RFX7: variants seen among roughly 807,000 people sequenced by gnomAD.
RFX7 encodes DNA-binding protein RFX7.
RFX7 carries 26 observed loss-of-function variants against 111.8 expected under a neutral mutation model. That is an observed-to-expected ratio of 0.23 (90% confidence interval 0.17 to 0.32). The LOEUF (loss-of-function observed/expected upper bound fraction) is 0.32. Among genes scored for constraint, RFX7 ranks in the 10% least tolerant of loss-of-function variants. The probability of loss-of-function intolerance (pLI) is 1.00; values close to 1 mark genes in which losing one functional copy is unlikely to be tolerated. For synonymous variants in RFX7, 624 were observed against 624.4 expected (o/e 1.00, Z 0.01); for missense variants, 1,573 against 1,772.9 (o/e 0.89, Z 2.02).
chr15:56,217,121 T>C (rs2141206964), intron 2 of RFX7, among the ~76,000 whole-genome samples: 1 of 152,322 alleles, frequency 6.6e-6, no homozygotes, highest in Non-Finnish European at 1.5e-5. Flanking sequence ...ATTTTCTTTC[T>C]ATATAGACAC....
intron 2 of RFX7, among the ~76,000 whole-genome samples, chr15:56,214,669 C>T (rs79679041): frequency 0.13 from 19,387 of 149,470 alleles, 1,618 homozygotes; most frequent in East Asian, 0.44. Flanking sequence ...GAGCTGAGAT[C>T]GCACCACTGC....
intron 5 of RFX7, among the ~76,000 whole-genome samples, chr15:56,121,316 T>C (rs553230096): frequency 4.6e-5 from 7 of 152,346 alleles, no homozygotes; most frequent in Admixed American, 2.6e-4. Flanking sequence ...CACTCTCTCC[T>C]GGCTTGCAAG....
At chr15:56,140,322 G>C (rs147544702) in intron 5 of RFX7, among the ~76,000 whole-genome samples, 24 of 152,106 alleles carry the variant, frequency 1.6e-4, no homozygotes, top group Non-Finnish European at 3.2e-4. Flanking sequence ...CTCGTGGTGC[G>C]CCGCTTTTTA....
intron 5 of RFX7, among the ~76,000 whole-genome samples, chr15:56,112,122 A>G (rs1470507572): frequency 6.6e-6 from 1 of 151,526 alleles, no homozygotes; most frequent in East Asian, 1.9e-4. Context: ...CCCAGAAAAA[A>G]AAAAAAAAAA....
rs556243417 is a variant in RFX7, at chr15:56,087,694, C to T, written c.*5651G>A. ...AGAATGCATACTACTGGTAAGTATCCGCCTCTGCTATAGTGACCTCATTGC... is the reference window on the plus strand; with the variant it reads ...AGAATGCATACTACTGGTAAGTATCTGCCTCTGCTATAGTGACCTCATTGC... On this transcript the variant is annotated 3_prime_UTR_variant, in exon 10 of 10. Transcript: ENST00000559447. The T allele has an allele frequency of 1.6e-4, 62 of 387,060 alleles. 2 individuals are homozygous for T. The highest frequency in any genetic ancestry group is 1.3e-3 in the Admixed American group (45 of 33,390). 24.0% of individuals were successfully genotyped at this position (387,060 alleles called of 1,614,324 possible). A position where few individuals can be genotyped will look rare whatever the true frequency, so the allele number is the denominator to read the frequency against.
chr15:56,243,012 T>G, intron 2 of RFX7, 113 bp downstream of exon 2: 1 of 757,244 alleles, frequency 1.3e-6, no homozygotes, highest in South Asian at 1.6e-5. Flanking sequence ...GAAAGCCACA[T>G]TCAATGAATG....
At position 56,101,505 on chromosome 15, in the gene RFX7, G is replaced by A; in HGVS notation, c.665C>T (p.Ala222Val). 6.2e-7 allele frequency: 1 copy of A among 1,613,736 alleles called. No homozygotes were observed. The highest frequency in any genetic ancestry group is 8.5e-7 in the Non-Finnish European group (1 of 1,179,794). ...QNIDEEVISS[A>V]CRLVCEWAQK... ...GGCCCACTCACACACAAGACGGCAA[G>A]CAGAAGAGATAACTTCTTCATCAAT... The change falls in exon 8 of 10, where the codon GCT becomes GTT. Residue 222 changes from alanine to valine, a missense_variant. Ala to Val is a moderately conservative substitution (Grantham distance 64). Around this residue, in one of 7 missense-constraint regions of RFX7, gnomAD observed 288 missense variants for 337.9 expected, o/e 0.85. Coordinates refer to ENST00000559447, the MANE Select transcript of RFX7 (RefSeq NM_022841.7).
chr15:56,094,137 T>A lies in RFX7; in HGVS notation c.3591A>T (p.Gly1197=). The change falls in exon 10 of 10, where the codon GGA becomes GGT. Residue 1197 remains glycine (G), a synonymous_variant. Transcript: ENST00000559447. ...NIPRSNVTPF[G]SPVTPEVHVF... ...CATGAACTTCTGGGGTAACTGGACT[T>A]CCAAAGGGGGTCACATTAGATCGTG... 6.2e-7 allele frequency: 1 copy of A among 1,613,978 alleles called. No homozygotes were observed. The highest frequency in any genetic ancestry group is 8.5e-7 in the Non-Finnish European group (1 of 1,179,876).
intron 5 of RFX7, among the ~76,000 whole-genome samples, chr15:56,118,106 G>C (rs111579337): frequency 0.026 from 3,927 of 152,040 alleles, 73 homozygotes; most frequent in Non-Finnish European, 0.04. Flanking sequence ...GGGATACTCT[G>C]ATATAGGCAT....
chr15:56,233,964 TTA>T (rs1567055785), intron 2 of RFX7, among the ~76,000 whole-genome samples: 1 of 152,244 alleles, frequency 6.6e-6, no homozygotes, highest in Non-Finnish European at 1.5e-5. Context: ...TTTATTCACA[TTA>T]TTGGCAAAGC....
At chr15:56,136,501 T>C (rs1325024529) in intron 5 of RFX7, among the ~76,000 whole-genome samples, 1 of 135,640 alleles carries the variant, frequency 7.4e-6, no homozygotes, top group Non-Finnish European at 1.6e-5. Flanking sequence ...GCTTATCAGC[T>C]TAAGGAGATT....
At chr15:56,220,370 A>G (rs2043412179) in intron 2 of RFX7, among the ~76,000 whole-genome samples, 1 of 152,098 alleles carries the variant, frequency 6.6e-6, no homozygotes, top group Non-Finnish European at 1.5e-5. Context: ...AGCTGGGATT[A>G]CAGGTGCCTG....
At chr15:56,204,874 T>G (rs961843774) in intron 2 of RFX7, among the ~76,000 whole-genome samples, 1 of 152,178 alleles carries the variant, frequency 6.6e-6, no homozygotes, top group Non-Finnish European at 1.5e-5. Context: ...CTCAATAATC[T>G]GTGAACCTCA....
chr15:56,224,466 T>TA (rs1288921947), intron 2 of RFX7, among the ~76,000 whole-genome samples: 4 of 67,662 alleles, frequency 5.9e-5, no homozygotes, highest in African/African-American at 2.3e-4. Flanking sequence ...AGATTAGGAT[T>TA]TTGTGTGTGT....
intron 2 of RFX7, among the ~76,000 whole-genome samples, chr15:56,239,006 T>C (rs2043656493): frequency 6.6e-6 from 1 of 151,886 alleles, no homozygotes. Flanking sequence ...GATAATTTTT[T>C]GGATTTCAGT....
chr15:56,125,852 A>T (rs1245321854), intron 5 of RFX7, among the ~76,000 whole-genome samples: 4 of 152,190 alleles, frequency 2.6e-5, no homozygotes, highest in Non-Finnish European at 5.9e-5. Context: ...ACATATAGCT[A>T]CTTTCCAAGT....
chr15:56,103,102 T>C (rs1345887947), intron 6 of RFX7, among the ~76,000 whole-genome samples: 1 of 151,900 alleles, frequency 6.6e-6, no homozygotes, highest in Admixed American at 6.6e-5. Flanking sequence ...TACTGAAAGA[T>C]TAGTGTTTCT....
At chr15:56,224,706 A>C (rs192001053) in intron 2 of RFX7, among the ~76,000 whole-genome samples, 1 of 152,014 alleles carries the variant, frequency 6.6e-6, no homozygotes, top group East Asian at 1.9e-4. Context: ...GGGGGTTTTC[A>C]TTATAAGTAG....
chr15:56,102,501 A>T (rs1294854926), intron 6 of RFX7, among the ~76,000 whole-genome samples: 1 of 152,204 alleles, frequency 6.6e-6, no homozygotes, highest in Non-Finnish European at 1.5e-5. Context: ...ATCTGTTATA[A>T]ATTTTATGAA....
Sources: allele counts gnomAD v4.1 joint callset (sites outside exome capture counted in the v4.1 genomes callset), GRCh38; gene constraint gnomAD v4.1.1; regional missense constraint gnomAD v4.1.1; transcripts MANE v1.5; gene names NCBI Gene and HGNC (gene_info 2026-07-23, HGNC 2026-07-21).